The following IFT122 variants were observed in gnomAD, a reference collection of about 807,000 sequenced individuals.
IFT122 encodes intraflagellar transport 122.
In IFT122, 118 loss-of-function variants were observed where a neutral mutation model predicts 161.6. That is an observed-to-expected ratio of 0.73 (90% CI 0.63 to 0.85). IFT122 has a LOEUF of 0.85. Ranked by LOEUF, IFT122 falls within the 40% of genes least tolerant of loss-of-function variation. The probability of loss-of-function intolerance (pLI) is 0.00; values close to 1 mark genes in which losing one functional copy is unlikely to be tolerated. For synonymous variants in IFT122, 550 were observed against 602.4 expected, an observed-to-expected ratio of 0.91 and a Z score of 1.27; for missense variants, 1,381 against 1,579.6, an observed-to-expected ratio of 0.87 and a Z score of 2.13.
chr3:129,492,948 G>T (rs1403509863), intron 17 of IFT122, among the ~76,000 whole-genome samples: 1 of 151,086 alleles, frequency 6.6e-6, no homozygotes, highest in African/African-American at 2.4e-5. Context: ...CTCCCAAGTA[G>T]CTGGGACCAC....
At chr3:129,459,929 T>A (rs1013501651) in intron 4 of IFT122, among the ~76,000 whole-genome samples, 2 of 148,408 alleles carry the variant, frequency 1.3e-5, no homozygotes, top group African/African-American at 2.5e-5. Context: ...AATTTTTAAA[T>A]TTTTTTTTTT....
chr3:129,472,831 A>G (rs553205359), intron 9 of IFT122, among the ~76,000 whole-genome samples: 2 of 152,124 alleles, frequency 1.3e-5, no homozygotes, highest in East Asian at 3.9e-4. Context: ...ATTAAATTTC[A>G]TTGACTCTTC....
At chr3:129,498,466 C>T (rs11714005) in intron 18 of IFT122, among the ~76,000 whole-genome samples, 16 of 152,352 alleles carry the variant, frequency 1.1e-4, no homozygotes, top group South Asian at 2.1e-4. Flanking sequence ...GCGGGGACAG[C>T]GGCTGCTTTC....
intron 29 of IFT122, 26 bp downstream of exon 29, chr3:129,519,758 A>C (rs186846736): frequency 1.2e-6 from 2 of 1,612,234 alleles, no homozygotes; most frequent in Admixed American, 3.3e-5. Flanking sequence ...GGTAGCTCAC[A>C]TGTGCTTCTC....
In IFT122 at chr3:129,515,562, C is replaced by T. The variant is rs367891133; in HGVS notation, c.3228C>T (p.Asn1076=). Residue 1076 remains asparagine, a synonymous_variant, in exon 26 of 30, where the codon AAC becomes AAT. Coordinates refer to ENST00000348417, the MANE Select transcript of IFT122 (RefSeq NM_052989.3). ...LLNNLGNVCI[N]CRQPFIFSAS... ...ACAACCTGGGCAACGTCTGCATCAACTGCCGCCAGCCCTTCATCTTCTCCG... is the reference window on the plus strand; with the variant it reads ...ACAACCTGGGCAACGTCTGCATCAATTGCCGCCAGCCCTTCATCTTCTCCG... The T allele has an allele frequency of 1.4e-5, 21 of 1,554,938 alleles. No individual in the cohort carries two copies. The highest frequency in any genetic ancestry group is 1.8e-5 in the Non-Finnish European group (20 of 1,129,042).
chr3:129,477,553 G>A (rs2078106327), intron 11 of IFT122, among the ~76,000 whole-genome samples: 1 of 152,192 alleles, frequency 6.6e-6, no homozygotes, highest in South Asian at 2.1e-4. Flanking sequence ...CCCTTGGGCA[G>A]CTTCACAGTG....
Position 129,507,785 on chromosome 3 carries a change from A to G in IFT122, c.2886+23A>G, listed in dbSNP as rs756817910. The G allele has an allele frequency of 1.7e-5, 27 of 1,551,058 alleles. No homozygotes were observed. The East Asian group carries it at 5.4e-4, about 31-fold the overall frequency. On this transcript the variant is annotated intron_variant, in intron 23 of 29. Transcript: ENST00000348417. ...ACGGTAAGGTGGCTGGGTCACCAGC[A>G]CCTGAGGGTACCATCTCCTGAGCTA...
At chr3:129,454,513 T>TTTTTTGTGTG (rs367834133) in intron 3 of IFT122, among the ~76,000 whole-genome samples, 3 of 131,282 alleles carry the variant, frequency 2.3e-5, no homozygotes, top group East Asian at 4.8e-4. Flanking sequence ...GTAGTCATAT[T>TTTTTTGTGTG]TGTGTGTGTG....
At chr3:129,468,316 T>C (rs999725064) in intron 8 of IFT122, among the ~76,000 whole-genome samples, 1 of 152,026 alleles carries the variant, frequency 6.6e-6, no homozygotes, top group Admixed American at 6.6e-5. Context: ...TTAGGTGGAT[T>C]AAGACCCAGC....
At chr3:129,503,282 C>T (rs1258925337) in intron 20 of IFT122, among the ~76,000 whole-genome samples, 1 of 152,198 alleles carries the variant, frequency 6.6e-6, no homozygotes, top group Admixed American at 6.5e-5. Context: ...AGCATTTTGG[C>T]AGAAAGCACC....
intron 14 of IFT122, among the ~76,000 whole-genome samples, chr3:129,482,837 A>AG (rs1379989209): frequency 1.3e-5 from 2 of 152,226 alleles, no homozygotes; most frequent in African/African-American, 4.8e-5. Context: ...TACAGTGCCT[A>AG]GCTCAGTGTT....
At chr3:129,517,838 C>T (rs1038777222) in intron 27 of IFT122, among the ~76,000 whole-genome samples, 1 of 152,190 alleles carries the variant, frequency 6.6e-6, no homozygotes, top group Non-Finnish European at 1.5e-5. Context: ...GTGGGTCTCC[C>T]ACCCTCCCCT....
At chr3:129,456,303 A>C (rs778273588) in intron 3 of IFT122, 2 of 1,222,814 alleles carry the variant, frequency 1.6e-6, no homozygotes, top group Non-Finnish European at 2.1e-6. Flanking sequence ...ATTTGCAGCA[A>C]TATCATATGG....
intron 3 of IFT122, chr3:129,452,205 T>C: frequency 1.9e-6 from 1 of 533,718 alleles, no homozygotes; most frequent in Non-Finnish European, 3.4e-6. Context: ...TTCAAGGTGC[T>C]TGAGTTACTT....
At chr3:129,444,793 T>C (rs1375203973) in intron 1 of IFT122, among the ~76,000 whole-genome samples, 1 of 152,204 alleles carries the variant, frequency 6.6e-6, no homozygotes. Context: ...ATGCTAAGAT[T>C]ATAGGCGTGA....
chr3:129,503,004 T>C (rs775490325), intron 20 of IFT122, 122 bp downstream of exon 20: 18 of 871,014 alleles, frequency 2.1e-5, no homozygotes, highest in Non-Finnish European at 3.2e-5. Flanking sequence ...GGAAGGAACA[T>C]TGGGCTGGCA....
At chr3:129,457,137 A>G (rs532559203) in intron 3 of IFT122, among the ~76,000 whole-genome samples, 1 of 152,344 alleles carries the variant, frequency 6.6e-6, no homozygotes, top group Non-Finnish European at 1.5e-5. Flanking sequence ...TCACCAGAGT[A>G]GGTGAAGACC....
intron 3 of IFT122, among the ~76,000 whole-genome samples, chr3:129,452,888 A>G (rs2075017871): frequency 6.6e-6 from 1 of 152,122 alleles, no homozygotes; most frequent in Non-Finnish European, 1.5e-5. Context: ...AGAGGAGGTG[A>G]TGAGAAATTA....
intron 4 of IFT122, among the ~76,000 whole-genome samples, 167 bp downstream of exon 4, chr3:129,458,844 TAATG>T (rs1418883511): frequency 6.6e-6 from 1 of 152,214 alleles, no homozygotes; most frequent in Non-Finnish European, 1.5e-5. Flanking sequence ...GTGAATAAGT[TAATG>T]AATATTTCTT....
Sources: allele counts gnomAD v4.1 joint callset (sites outside exome capture counted in the v4.1 genomes callset), GRCh38; gene constraint gnomAD v4.1.1; transcripts MANE v1.5; gene names NCBI Gene and HGNC (gene_info 2026-07-23, HGNC 2026-07-21).